RARB: variants seen among roughly 807,000 people sequenced by gnomAD.
The protein encoded by RARB is HBV-activated protein.
A neutral mutation model predicts 51.9 loss-of-function variants in RARB; 17 were observed. The observed-to-expected ratio is 0.33, with a 90% confidence interval of 0.22 to 0.49. The LOEUF (loss-of-function observed/expected upper bound fraction) is 0.49, where lower values mean the gene tolerates loss of function less well. Ranked by LOEUF, RARB falls within the 20% of genes least tolerant of loss-of-function variation. RARB has a pLI of 0.99. For synonymous variants in RARB, 215 were observed against 195.4 expected, an observed-to-expected ratio of 1.10 and a Z score of -0.84; for missense variants, 369 against 550.8, an observed-to-expected ratio of 0.67 and a Z score of 3.30.
intron 5 of RARB, among the ~76,000 whole-genome samples, chr3:25,226,629 C>G (rs1702062400): frequency 6.6e-6 from 1 of 152,104 alleles, no homozygotes; most frequent in Admixed American, 6.6e-5. Context: ...TGATTTTACA[C>G]TCAACTTGTC....
chr3:24,920,759 G>C (rs1238961688), intron 2 of RARB, among the ~76,000 whole-genome samples: 1 of 152,148 alleles, frequency 6.6e-6, no homozygotes, highest in African/African-American at 2.4e-5. Context: ...CCTCCAAACA[G>C]CCAACTTTGT....
intron 1 of RARB, among the ~76,000 whole-genome samples, chr3:24,855,216 G>A (rs1702615981): frequency 6.6e-6 from 1 of 152,176 alleles, no homozygotes; most frequent in Non-Finnish European, 1.5e-5. Flanking sequence ...TCACTGAGAA[G>A]GTGATCTGAG....
At chr3:25,382,371 T>G (rs1464460057) in intron 5 of RARB, among the ~76,000 whole-genome samples, 1 of 151,298 alleles carries the variant, frequency 6.6e-6, no homozygotes, top group Non-Finnish European at 1.5e-5. Flanking sequence ...TTAGGGCAAA[T>G]CACTGTGTGC....
chr3:25,159,132 C>A (rs945920595), intron 4 of RARB, among the ~76,000 whole-genome samples: 4 of 148,604 alleles, frequency 2.7e-5, no homozygotes, highest in Non-Finnish European at 5.9e-5. Context: ...TGATTTCTCC[C>A]AAGAAAACTG....
At position 25,428,852 on chromosome 3, in the gene RARB, AC is replaced by A; in HGVS notation, c.124del (p.Gln42LysfsTer72). On this transcript the variant is annotated frameshift_variant, in exon 1 of 8. Transcript: ENST00000330688. LOFTEE classifies it high-confidence loss of function. ...TCTCAAAGCATGCTTCAGTGGATTG[AC>A]CCAAACCGAATGGCAGCATCGGCAC... ...KALKACFSGLTQTEWQHRHTA... is the reference protein window; with the variant it reads ...KALKACFSGLXQTEWQHRHTA... 1 of 1,613,634 alleles carries A rather than the reference AC, an allele frequency of 6.2e-7. No homozygotes were observed. The highest frequency in any genetic ancestry group is 8.5e-7 in the Non-Finnish European group (1 of 1,179,696).
At chr3:25,281,226 T>C (rs1474252350) in intron 5 of RARB, among the ~76,000 whole-genome samples, 2 of 152,186 alleles carry the variant, frequency 1.3e-5, no homozygotes, top group African/African-American at 4.8e-5. Context: ...ATGGAGCCAG[T>C]GGGGACATTT....
At chr3:25,543,506 GC>G (rs1357032479) in intron 3 of RARB, among the ~76,000 whole-genome samples, 2 of 152,098 alleles carry the variant, frequency 1.3e-5, no homozygotes, top group African/African-American at 4.8e-5. Context: ...GCTTGGAGGG[GC>G]AATGTGGCAA....
At chr3:24,837,166 T>C (rs1702355770) in intron 1 of RARB, among the ~76,000 whole-genome samples, 1 of 152,250 alleles carries the variant, frequency 6.6e-6, no homozygotes, top group Non-Finnish European at 1.5e-5. Context: ...CCAAGTAATA[T>C]CCAAGGTGGA....
intron 2 of RARB, among the ~76,000 whole-genome samples, chr3:24,980,978 T>C (rs1219658731): frequency 6.6e-6 from 1 of 152,046 alleles, no homozygotes; most frequent in African/African-American, 2.4e-5. Flanking sequence ...TTGATGCTGA[T>C]GCTATTCCTT....
At chr3:25,055,210 AAATT>A (rs1309867664) in intron 2 of RARB, among the ~76,000 whole-genome samples, 1 of 152,192 alleles carries the variant, frequency 6.6e-6, no homozygotes, top group African/African-American at 2.4e-5. Flanking sequence ...TTGTATTTGT[AAATT>A]AATCCTGTCA....
chr3:25,571,905 C>T (rs1700726631), intron 4 of RARB, among the ~76,000 whole-genome samples: 1 of 152,228 alleles, frequency 6.6e-6, no homozygotes. Flanking sequence ...TACTAACTGA[C>T]CCTCCAGAGA....
intron 2 of RARB, among the ~76,000 whole-genome samples, chr3:24,998,154 C>T (rs1697082042): frequency 6.6e-6 from 1 of 151,954 alleles, no homozygotes; most frequent in East Asian, 1.9e-4. Context: ...TTCATTTTAG[C>T]CTTTCAAGAA....
chr3:25,437,730 T>C (rs891702208), intron 1 of RARB, among the ~76,000 whole-genome samples: 3 of 152,184 alleles, frequency 2.0e-5, no homozygotes, highest in Non-Finnish European at 4.4e-5. Context: ...TGTGCAGGCC[T>C]CATAGATCAT....
chr3:25,458,165 A>C (rs1340946095), intron 1 of RARB: 1 of 152,242 alleles, frequency 6.6e-6, no homozygotes, highest in Non-Finnish European at 1.5e-5. Context: ...ATTTGAAGGA[A>C]ATAAAGATGT....
intron 3 of RARB, among the ~76,000 whole-genome samples, chr3:25,501,862 T>G (rs151251091): frequency 6.6e-6 from 1 of 152,216 alleles, no homozygotes; most frequent in Non-Finnish European, 1.5e-5. Flanking sequence ...ATGCACTTTA[T>G]TAGTGCAAAA....
At chr3:25,388,442 A>G (rs1477514919) in intron 5 of RARB, among the ~76,000 whole-genome samples, 1 of 152,232 alleles carries the variant, frequency 6.6e-6, no homozygotes, top group Non-Finnish European at 1.5e-5. Flanking sequence ...GCATTACAAT[A>G]TACTTAGTTT....
Position 25,032,076 on chromosome 3 carries a change from T to C in RARB, c.-379-28049T>C, listed in dbSNP as rs13321869. ...AAGCCTGTAATCAAGACATAACATA[T>C]CCATTGAGCTAAAATTATTTTTCTC... On this transcript the variant is annotated intron_variant, in intron 2 of 11. Coordinates refer to the RARB transcript ENST00000383772. Among the ~76,000 whole-genome samples, 698 of 152,262 alleles carry C rather than the reference T, an allele frequency of 4.6e-3. 9 individuals carry two copies. Among genetic ancestry groups the C allele is most frequent in the Middle Eastern group, 0.017 (5 of 294 alleles).
intron 4 of RARB, among the ~76,000 whole-genome samples, chr3:25,156,079 T>G (rs976773850): frequency 6.6e-6 from 1 of 152,222 alleles, no homozygotes; most frequent in Non-Finnish European, 1.5e-5. Flanking sequence ...GAGTGCTGTT[T>G]GGTCTTCTGT....
At chr3:25,137,228 T>A (rs886338095) in intron 4 of RARB, among the ~76,000 whole-genome samples, 5 of 152,098 alleles carry the variant, frequency 3.3e-5, no homozygotes, top group African/African-American at 1.2e-4. Context: ...AGAAAAAAAC[T>A]TTAAGAACTT....
Sources: allele counts gnomAD v4.1 joint callset (sites outside exome capture counted in the v4.1 genomes callset), GRCh38; gene constraint gnomAD v4.1.1; transcripts MANE v1.5; gene names NCBI Gene and HGNC (gene_info 2026-07-23, HGNC 2026-07-21).